Variants in ENOX1 observed in about 807,000 individuals in gnomAD.
ENOX1 encodes ecto-NOX disulfide-thiol exchanger 1.
Under a neutral mutation model 82.5 loss-of-function variants are expected in ENOX1, and 42 were observed. The ratio of observed to expected loss-of-function variants is 0.51; its 90% CI spans 0.40 to 0.66. The LOEUF (loss-of-function observed/expected upper bound fraction) is 0.66, where lower values mean the gene tolerates loss of function less well. Among genes scored for constraint, ENOX1 ranks in the 30% least tolerant of loss-of-function variants. The pLI is 0.00. For missense variants in ENOX1, 608 were observed against 811.6 expected, an observed-to-expected ratio of 0.75 and a Z score of 3.05; for synonymous variants, 271 against 282.2, an observed-to-expected ratio of 0.96 and a Z score of 0.40.
At chr13:43,387,242 G>A (rs1209930716) in intron 5 of ENOX1, among the ~76,000 whole-genome samples, 1 of 152,204 alleles carries the variant, frequency 6.6e-6, no homozygotes, top group Non-Finnish European at 1.5e-5. Context: ...AGGGATGTAG[G>A]AGAGTTACCT....
intron 2 of ENOX1, among the ~76,000 whole-genome samples, chr13:43,591,198 T>G (rs1166500344): frequency 6.6e-6 from 1 of 152,218 alleles, no homozygotes; most frequent in African/African-American, 2.4e-5. Flanking sequence ...CAGCATTATT[T>G]GTAGTAGCAA....
chr13:43,559,637 C>T (rs941337562), intron 2 of ENOX1, among the ~76,000 whole-genome samples: 1 of 152,084 alleles, frequency 6.6e-6, no homozygotes, highest in South Asian at 2.1e-4. Flanking sequence ...GAACAAGACC[C>T]CAAACTGCAG....
intron 1 of ENOX1, among the ~76,000 whole-genome samples, chr13:43,701,073 T>C (rs952245865): frequency 2.0e-5 from 3 of 152,186 alleles, no homozygotes; most frequent in African/African-American, 2.4e-5. Context: ...GGTACAAAAC[T>C]GTAGAGACCT....
chr13:43,310,964 G>C (rs1445167450), intron 11 of ENOX1, among the ~76,000 whole-genome samples: 3 of 151,624 alleles, frequency 2.0e-5, no homozygotes, highest in Non-Finnish European at 4.4e-5. Context: ...ACATTTTAAT[G>C]ACCTGAAAGA....
chr13:43,606,024 G>C (rs926241853), intron 2 of ENOX1, among the ~76,000 whole-genome samples: 1 of 152,082 alleles, frequency 6.6e-6, no homozygotes, highest in African/African-American at 2.4e-5. Flanking sequence ...CTCAAAAGAA[G>C]ACATGCCAAT....
chr13:43,438,654 C>T (rs1429462648), intron 3 of ENOX1, among the ~76,000 whole-genome samples: 1 of 152,140 alleles, frequency 6.6e-6, no homozygotes, highest in Admixed American at 6.5e-5. Context: ...TATTTGCTTC[C>T]CTCAGTAGCC....
At chr13:43,298,816 C>T (rs1258466996) in intron 11 of ENOX1, among the ~76,000 whole-genome samples, 1 of 152,174 alleles carries the variant, frequency 6.6e-6, no homozygotes, top group Non-Finnish European at 1.5e-5. Context: ...CAATGCTAGA[C>T]ACCCTCACAG....
chr13:43,407,061 C>CAGTT (rs1297651845), intron 5 of ENOX1, among the ~76,000 whole-genome samples: 3 of 152,156 alleles, frequency 2.0e-5, no homozygotes, highest in Non-Finnish European at 2.9e-5. Context: ...GCTCTCCTTC[C>CAGTT]AGTTGATGAT....
intron 11 of ENOX1, among the ~76,000 whole-genome samples, chr13:43,309,290 G>C (rs532668799): frequency 1.8e-4 from 27 of 152,196 alleles, no homozygotes; most frequent in African/African-American, 6.5e-4. Context: ...CCAAAGTGCT[G>C]GGATTACAGG....
intron 2 of ENOX1, among the ~76,000 whole-genome samples, chr13:43,558,447 G>C (rs2079534085): frequency 6.6e-6 from 1 of 152,182 alleles, no homozygotes; most frequent in South Asian, 2.1e-4. Context: ...GGGCTACCAG[G>C]TTGGACTAAG....
chr13:43,491,077 G>T (rs953558130), intron 2 of ENOX1, among the ~76,000 whole-genome samples: 1 of 152,168 alleles, frequency 6.6e-6, no homozygotes, highest in Non-Finnish European at 1.5e-5. Flanking sequence ...GCATGGCGCT[G>T]GTGTCTGCTT....
Position 43,429,441 on chromosome 13 carries a change from T to C in ENOX1, c.-74-16453A>G, listed in dbSNP as rs370508372. On this transcript the variant is annotated intron_variant, in intron 3 of 16. Coordinates refer to ENST00000690772, the MANE Select transcript of ENOX1 (RefSeq NM_001347969.2). ...GTCTGCATTTTTTTTTCTACAAGTA[T>C]TTTGCTTTGATTCATTGTTGATACA... is the stretch of plus-strand genomic sequence containing the variant. Among the ~76,000 whole-genome samples the C allele has an allele frequency of 2.4e-4, 37 of 152,318 alleles. 1 individual carries two copies. In the South Asian group the frequency reaches 7.7e-3, roughly 32 times the overall value.
intron 12 of ENOX1, among the ~76,000 whole-genome samples, chr13:43,297,434 T>C (rs954705844): frequency 1.3e-5 from 2 of 151,894 alleles, no homozygotes; most frequent in Admixed American, 6.6e-5. Flanking sequence ...CTTTTTTTTT[T>C]CAGAAAATAT....
intron 1 of ENOX1, among the ~76,000 whole-genome samples, chr13:43,738,954 G>A (rs934925754): frequency 5.3e-5 from 8 of 152,048 alleles, no homozygotes; most frequent in African/African-American, 1.4e-4. Context: ...ATGGCTTAGC[G>A]GGGTTGCCCT....
chr13:43,456,738 T>C (rs2057249637), intron 3 of ENOX1, among the ~76,000 whole-genome samples: 3 of 152,108 alleles, frequency 2.0e-5, no homozygotes, highest in Admixed American at 1.3e-4. Context: ...ATACCTCACA[T>C]AGGGTTGGGG....
At chr13:43,703,331 T>A (rs906339935) in intron 1 of ENOX1, among the ~76,000 whole-genome samples, 5 of 152,206 alleles carry the variant, frequency 3.3e-5, no homozygotes, top group African/African-American at 7.2e-5. Flanking sequence ...ATAGACATTG[T>A]AGCCAACAAT....
intron 2 of ENOX1, among the ~76,000 whole-genome samples, chr13:43,548,466 G>GC (rs1208092546): frequency 2.6e-5 from 4 of 152,170 alleles, no homozygotes; most frequent in Non-Finnish European, 4.4e-5. Context: ...TAATTCTGCT[G>GC]CCCTCTGCAT....
At chr13:43,601,993 A>G (rs865809840) in intron 2 of ENOX1, among the ~76,000 whole-genome samples, 1 of 152,150 alleles carries the variant, frequency 6.6e-6, no homozygotes, top group Admixed American at 6.5e-5. Flanking sequence ...GGAGAAATAA[A>G]CTATACAAAC....
chr13:43,661,459 C>A (rs1286958364), intron 2 of ENOX1, among the ~76,000 whole-genome samples: 2 of 152,144 alleles, frequency 1.3e-5, no homozygotes, highest in African/African-American at 4.8e-5. Flanking sequence ...AGGGAATGAA[C>A]TCTAAAGTAC....
Sources: gnomAD v4.1 joint callset for allele counts (sites outside exome capture counted in the v4.1 genomes callset) on GRCh38, gnomAD v4.1.1 for gene constraint, MANE v1.5 for transcripts, NCBI Gene and HGNC (gene_info 2026-07-23, HGNC 2026-07-21) for gene names.